MAP3K5: variants seen among roughly 807,000 people sequenced by gnomAD.
The protein encoded by MAP3K5 is mitogen-activated protein kinase kinase kinase 5, also known as ASK-1.
MAP3K5 carries 56 observed loss-of-function variants against 158.7 expected under a neutral mutation model. That is an observed-to-expected ratio of 0.35 (90% CI 0.28 to 0.44). The LOEUF is 0.44. MAP3K5 is among the 20% of genes least tolerant of loss of function. The pLI, the probability that MAP3K5 is intolerant of heterozygous loss-of-function variation, is 1.00. For synonymous variants in MAP3K5, 579 were observed against 601.7 expected (o/e 0.96, Z 0.55); for missense variants, 1,294 against 1,674.8 (o/e 0.77, Z 3.97).
intron 15 of MAP3K5, among the ~76,000 whole-genome samples, chr6:136,615,236 A>AT (rs908811464): frequency 2.9e-4 from 44 of 152,226 alleles, no homozygotes; most frequent in Non-Finnish European, 5.9e-4. Flanking sequence ...TCCAATCAAA[A>AT]TAGGAGGTCC....
intron 2 of MAP3K5, among the ~76,000 whole-genome samples, chr6:136,708,919 G>T (rs1391714852): frequency 6.6e-6 from 1 of 152,090 alleles, no homozygotes; most frequent in Non-Finnish European, 1.5e-5. Context: ...TCCCCTCTGA[G>T]TAACGAGGAA....
At chr6:136,642,719 C>T (rs1162829563) in intron 11 of MAP3K5, 150 bp from the exon 12 acceptor site, 1 of 631,134 alleles carries the variant, frequency 1.6e-6, no homozygotes, top group African/African-American at 1.9e-5. Context: ...ATGGAAAGCA[C>T]AATTCATTCT....
At chr6:136,721,427 C>T (rs1315883160) in intron 1 of MAP3K5, among the ~76,000 whole-genome samples, 1 of 151,672 alleles carries the variant, frequency 6.6e-6, no homozygotes, top group Non-Finnish European at 1.5e-5. Flanking sequence ...GGGAATATAA[C>T]CACAGATGCA....
intron 10 of MAP3K5, among the ~76,000 whole-genome samples, chr6:136,653,689 A>G (rs1778618690): frequency 6.6e-6 from 1 of 152,208 alleles, no homozygotes; most frequent in Non-Finnish European, 1.5e-5. Flanking sequence ...TATTTTTTAA[A>G]GCAGTATCTT....
chr6:136,588,315 G>C (rs1211902972), intron 23 of MAP3K5, among the ~76,000 whole-genome samples: 1 of 152,132 alleles, frequency 6.6e-6, no homozygotes, highest in Non-Finnish European at 1.5e-5. Flanking sequence ...CATCACTTAG[G>C]ACTGCATGAC....
chr6:136,704,056 T>C (rs1780966129), intron 3 of MAP3K5, among the ~76,000 whole-genome samples: 1 of 151,258 alleles, frequency 6.6e-6, no homozygotes, highest in Non-Finnish European at 1.5e-5. Context: ...GCAGCATTTT[T>C]AAAGTTTAAA....
intron 7 of MAP3K5, among the ~76,000 whole-genome samples, chr6:136,671,722 T>C (rs1377027446): frequency 6.6e-6 from 1 of 152,062 alleles, no homozygotes; most frequent in Non-Finnish European, 1.5e-5. Context: ...CAAGCGATTC[T>C]CCTGCCTCAG....
intron 18 of MAP3K5, 24 bp downstream of exon 18, chr6:136,611,258 T>A (rs755138361): frequency 7.1e-7 from 1 of 1,406,186 alleles, no homozygotes; most frequent in East Asian, 2.3e-5. Flanking sequence ...ACATAAGATC[T>A]GTATCATCAT....
chr6:136,574,477 T>A (rs1774509842), intron 25 of MAP3K5, among the ~76,000 whole-genome samples: 1 of 152,110 alleles, frequency 6.6e-6, no homozygotes, highest in South Asian at 2.1e-4. Flanking sequence ...TACTCTTACC[T>A]TAGCACGGCC....
At chr6:136,789,303 T>G (rs1784972711) in intron 1 of MAP3K5, among the ~76,000 whole-genome samples, 1 of 152,190 alleles carries the variant, frequency 6.6e-6, no homozygotes, top group Non-Finnish European at 1.5e-5. Flanking sequence ...GAGTGAGACC[T>G]TGTCTCTAAA....
chr6:136,664,213 C>T (rs773048537), intron 8 of MAP3K5, among the ~76,000 whole-genome samples: 3 of 151,946 alleles, frequency 2.0e-5, no homozygotes, highest in Non-Finnish European at 4.4e-5. Flanking sequence ...TTGTGAACTG[C>T]GCGTGCAAGG....
intron 14 of MAP3K5, among the ~76,000 whole-genome samples, chr6:136,631,074 G>A (rs1388936850): frequency 1.3e-5 from 2 of 152,172 alleles, no homozygotes; most frequent in African/African-American, 2.4e-5. Flanking sequence ...ACTCCAGCCT[G>A]GGGGACAGAG....
chr6:136,789,675 CTTTTTTTTTTTTT>C lies in MAP3K5; in HGVS notation c.448+2022_448+2034del, dbSNP rs57162918. Among the ~76,000 whole-genome samples, 9 of 78,776 alleles carry C rather than the reference CTTTTTTTTTTTTT, an allele frequency of 1.1e-4. No homozygotes were observed. In the East Asian group the frequency reaches 1.9e-3, roughly 17 times the overall value. 51.7% of individuals were successfully genotyped at this position (78,776 alleles called of 152,430 possible). A position where few individuals can be genotyped will look rare whatever the true frequency, so the allele number is the denominator to read the frequency against. On this transcript the variant is annotated intron_variant, in intron 1 of 29. Coordinates refer to ENST00000359015, the MANE Select transcript of MAP3K5 (RefSeq NM_005923.4). Reference sequence around the variant, plus strand: ...AGGAAGCAAGGGCCAAGCACAACCTCTTTTTTTTTTTTTTTTTTTTTTTTTTTTTAAGACAGAG... The same window carrying C: ...AGGAAGCAAGGGCCAAGCACAACCTCTTTTTTTTTTTTTTTTAAGACAGAG...
rs112145319 is a variant in MAP3K5 at position 136,754,591 on chromosome 6, A to AAAAAG, written c.449-34003_449-34002insCTTTT. Among the ~76,000 whole-genome samples the AAAAAG allele has an allele frequency of 3.3e-4, 49 of 150,054 alleles. 1 individual carries two copies. Among genetic ancestry groups the AAAAAG allele is most frequent in the South Asian group, 8.4e-4 (4 of 4,768 alleles). On this transcript the variant is annotated intron_variant, in intron 1 of 29. Transcript: ENST00000359015. ...AGAGAGAGACCGCTCTCAAAAAAAA[A>AAAAAG]AAAGAAAGAAAGAAAAGAAAATCCT...
In MAP3K5 at chr6:136,583,649, A is replaced by C. The variant is rs1366578537; in HGVS notation, c.3317T>G (p.Ile1106Arg). Residue 1106 changes from isoleucine (I) to arginine (R), a missense_variant, in exon 24 of 30, where the codon ATA becomes AGA. Physicochemically the swap from Ile to Arg is moderately conservative, Grantham distance 97. Around this residue, in one of 5 missense-constraint regions of MAP3K5, gnomAD observed 362 missense variants for 463.2 expected, o/e 0.78. Transcript: ENST00000359015. ...TTTCAGCTTTGACAGTGTGGTGGCT[A>C]TGATTTTTCGGTCAGTGGATCTCAC... ...EFVRSTDRKI[I>R]ATTLSKLKLE... The C allele has an allele frequency of 2.5e-6, 4 of 1,614,208 alleles. No individual in the cohort carries two copies. Among genetic ancestry groups the C allele is most frequent in the Non-Finnish European group, 3.4e-6 (4 of 1,180,018 alleles).
At chr6:136,728,319 T>C (rs1412502692) in intron 1 of MAP3K5, among the ~76,000 whole-genome samples, 2 of 152,166 alleles carry the variant, frequency 1.3e-5, no homozygotes, top group Non-Finnish European at 2.9e-5. Flanking sequence ...AAGATGTTAA[T>C]TGGTATTTTC....
chr6:136,637,179 G>T, intron 14 of MAP3K5, 146 bp downstream of exon 14: 2 of 1,309,824 alleles, frequency 1.5e-6, no homozygotes, highest in Non-Finnish European at 2.0e-6. Context: ...TTTTACCAAA[G>T]GAATTCTGGA....
chr6:136,639,781 G>T, intron 12 of MAP3K5, 143 bp from the exon 13 acceptor site: 1 of 579,792 alleles, frequency 1.7e-6, no homozygotes. Flanking sequence ...ACTTTAAAAA[G>T]TGATACTTCC....
chr6:136,628,264 A>C (rs892386027), intron 14 of MAP3K5, among the ~76,000 whole-genome samples: 10 of 152,108 alleles, frequency 6.6e-5, no homozygotes, highest in Non-Finnish European at 1.3e-4. Context: ...GGTGTACAGC[A>C]CTATGTCCAG....
Sources: gnomAD v4.1 joint callset for allele counts (sites outside exome capture counted in the v4.1 genomes callset) on GRCh38, gnomAD v4.1.1 for gene constraint, gnomAD v4.1.1 regional missense constraint, MANE v1.5 for transcripts, NCBI Gene and HGNC (gene_info 2026-07-23, HGNC 2026-07-21) for gene names.